Variants in GOLM2 observed in about 807,000 individuals in gnomAD.
GOLM2 encodes protein GOLM2.
GOLM2 carries 26 observed loss-of-function variants against 55.9 expected under a neutral mutation model. That is an observed-to-expected ratio of 0.47 (90% CI 0.34 to 0.65). GOLM2 has a LOEUF of 0.65. GOLM2 is among the 30% of genes least tolerant of loss of function. GOLM2 has a pLI of 0.01. For missense variants in GOLM2, 486 were observed against 531.8 expected (o/e 0.91, Z 0.85); for synonymous variants, 165 against 194.6 (o/e 0.85, Z 1.27).
intron 1 of GOLM2, among the ~76,000 whole-genome samples, chr15:44,306,489 G>T (rs1045217407): frequency 1.3e-5 from 2 of 152,122 alleles, no homozygotes; most frequent in African/African-American, 4.8e-5. Flanking sequence ...CTCCATATCA[G>T]CAACAGTAAG....
chr15:44,349,966 C>T (rs887009993), intron 6 of GOLM2, among the ~76,000 whole-genome samples: 1 of 152,098 alleles, frequency 6.6e-6, no homozygotes, highest in Non-Finnish European at 1.5e-5. Flanking sequence ...ACACAATATA[C>T]CAAATCCTGT....
chr15:44,341,853 C>A (rs2079092800), intron 6 of GOLM2, among the ~76,000 whole-genome samples: 1 of 151,828 alleles, frequency 6.6e-6, no homozygotes, highest in Non-Finnish European at 1.5e-5. Flanking sequence ...CACCACCACG[C>A]CCGGCTAATT....
rs188000632 is a variant in GOLM2, at chr15:44,299,424, C to G, written c.327+10068C>G. ...TCTCCTGCTTCTTCCTTCCGAGTAG[C>G]TGGGATTACAGGCACGCACCACCAC... On this transcript the variant is annotated intron_variant, in intron 1 of 9. Coordinates refer to ENST00000299957, the MANE Select transcript of GOLM2 (RefSeq NM_138423.4). 5.0e-3 allele frequency among the ~76,000 whole-genome samples: 759 copies of G among 152,014 alleles called. 5 individuals carry two copies. The highest frequency in any genetic ancestry group is 0.017 in the African/African-American group (719 of 41,462).
chr15:44,337,843 AG>A lies in GOLM2; in HGVS notation c.658del (p.Val220Ter). The A allele has an allele frequency of 6.2e-7, 1 of 1,606,246 alleles. No individual in the cohort carries two copies. The highest frequency in any genetic ancestry group is 2.2e-5 in the East Asian group (1 of 44,474). ...NQVVPKNIPK[V>X]AENVADKNEE... ...AAGTAGTACCTAAAAATATTCCAAAAGTAGCTGAGAATGTTGCAGATAAGAA... is the reference window on the plus strand; with the variant it reads ...AAGTAGTACCTAAAAATATTCCAAAATAGCTGAGAATGTTGCAGATAAGAA... On this transcript the variant is annotated frameshift_variant, in exon 5 of 10. Coordinates refer to ENST00000299957, the MANE Select transcript of GOLM2 (RefSeq NM_138423.4). LOFTEE classifies it high-confidence loss of function.
intron 2 of GOLM2, among the ~76,000 whole-genome samples, chr15:44,325,018 A>AT (rs551266640): frequency 6.6e-6 from 1 of 152,012 alleles, no homozygotes; most frequent in Non-Finnish European, 1.5e-5. Flanking sequence ...AGTAAAATTG[A>AT]TTTTTTTTAA....
intron 1 of GOLM2, among the ~76,000 whole-genome samples, chr15:44,310,991 T>C (rs2078871727): frequency 6.6e-6 from 1 of 152,154 alleles, no homozygotes; most frequent in Non-Finnish European, 1.5e-5. Context: ...CACTCCAGCC[T>C]GGGCGACAGA....
At chr15:44,384,984 T>A (rs1157417631) in intron 8 of GOLM2, among the ~76,000 whole-genome samples, 1 of 152,176 alleles carries the variant, frequency 6.6e-6, no homozygotes, top group Non-Finnish European at 1.5e-5. Flanking sequence ...TTTTCTGAAG[T>A]TCGACCATGC....
chr15:44,393,291 T>C (rs1229477482), intron 8 of GOLM2, among the ~76,000 whole-genome samples: 3 of 152,172 alleles, frequency 2.0e-5, no homozygotes, highest in Non-Finnish European at 4.4e-5. Flanking sequence ...CCTTGAAAAG[T>C]TCTTACAAAG....
At chr15:44,368,219 C>A (rs948649577) in intron 6 of GOLM2, among the ~76,000 whole-genome samples, 9 of 151,660 alleles carry the variant, frequency 5.9e-5, no homozygotes, top group Non-Finnish European at 8.8e-5. Context: ...CTCATTGCAA[C>A]CTTCACCTCC....
intron 8 of GOLM2, among the ~76,000 whole-genome samples, chr15:44,384,548 C>A (rs536328704): frequency 3.0e-4 from 46 of 152,236 alleles, no homozygotes; most frequent in African/African-American, 1.1e-3. Context: ...AGTTTGAGAC[C>A]ATCCTGGCTA....
intron 9 of GOLM2, 72 bp from the exon 10 acceptor site, chr15:44,413,264 A>C: frequency 1.8e-6 from 2 of 1,101,206 alleles, no homozygotes; most frequent in Non-Finnish European, 2.7e-6. Flanking sequence ...GCTATGAAAA[A>C]CTGAGACATT....
chr15:44,336,603 A>G (rs2079058467), intron 4 of GOLM2, among the ~76,000 whole-genome samples: 1 of 151,920 alleles, frequency 6.6e-6, no homozygotes, highest in Non-Finnish European at 1.5e-5. Flanking sequence ...TTTCTCCTTT[A>G]TTGTGACACA....
intron 1 of GOLM2, among the ~76,000 whole-genome samples, chr15:44,310,470 GTATA>G (rs369090230): frequency 1.6e-4 from 19 of 121,830 alleles, no homozygotes; most frequent in African/African-American, 3.8e-4. Flanking sequence ...ATATATATAT[GTATA>G]TATATATATA....
chr15:44,309,220 T>G (rs2078857840), intron 1 of GOLM2, among the ~76,000 whole-genome samples: 1 of 152,152 alleles, frequency 6.6e-6, no homozygotes, highest in African/African-American at 2.4e-5. Context: ...GAAAACAGTA[T>G]GTAGTTTCCT....
At chr15:44,332,710 G>C (rs2141141367) in intron 4 of GOLM2, among the ~76,000 whole-genome samples, 1 of 151,478 alleles carries the variant, frequency 6.6e-6, no homozygotes, top group Non-Finnish European at 1.5e-5. Flanking sequence ...TTGAGAAATA[G>C]AAAAAAAAGA....
rs533298710 is a variant in GOLM2, at chr15:44,407,743, C to T, written c.1240+4689C>T. On this transcript the variant is annotated intron_variant, in intron 9 of 9. Coordinates refer to ENST00000299957, the MANE Select transcript of GOLM2 (RefSeq NM_138423.4). ...GGATCACAGGCGTGAGCCACTGCAC[C>T]CAGGCGATAGAGCTTTCTTTCTTTT... 2.6e-5 allele frequency among the ~76,000 whole-genome samples: 4 copies of T among 151,894 alleles called. No homozygotes were observed. The East Asian group carries it at 7.7e-4, about 29-fold the overall frequency.
intron 6 of GOLM2, among the ~76,000 whole-genome samples, chr15:44,338,875 C>A (rs549149463): frequency 5.9e-5 from 9 of 151,942 alleles, no homozygotes; most frequent in Non-Finnish European, 1.3e-4. Flanking sequence ...TATCCATTTT[C>A]ACTTGAAGGC....
chr15:44,331,280 G>C (rs1156627783), intron 3 of GOLM2, among the ~76,000 whole-genome samples: 1 of 152,162 alleles, frequency 6.6e-6, no homozygotes, highest in Admixed American at 6.5e-5. Flanking sequence ...GCCTCCCAAA[G>C]TGCTGGGATT....
intron 1 of GOLM2, among the ~76,000 whole-genome samples, chr15:44,313,014 G>C (rs2078884695): frequency 6.6e-6 from 1 of 152,122 alleles, no homozygotes; most frequent in South Asian, 2.1e-4. Context: ...AGGAGGCGGA[G>C]GTTGTAGTGA....
Sources: gnomAD v4.1 joint callset for allele counts (sites outside exome capture counted in the v4.1 genomes callset) on GRCh38, gnomAD v4.1.1 for gene constraint, MANE v1.5 for transcripts, NCBI Gene and HGNC (gene_info 2026-07-23, HGNC 2026-07-21) for gene names.